Variants in TMEFF1 observed in about 807,000 individuals in gnomAD.
TMEFF1 encodes tomoregulin-1.
In TMEFF1, 20 loss-of-function variants were observed where a neutral mutation model predicts 47.5. The observed-to-expected ratio is 0.42, with a 90% CI of 0.30 to 0.61. The LOEUF is 0.61. Ranked by LOEUF, TMEFF1 falls within the 20% of genes least tolerant of loss-of-function variation. The pLI is 0.19. For synonymous variants in TMEFF1, 162 were observed against 166.3 expected (o/e 0.97, Z 0.20); for missense variants, 411 against 471.1 (o/e 0.87, Z 1.18).
At chr9:100,529,100 A>G (rs1433386142) in intron 5 of TMEFF1, among the ~76,000 whole-genome samples, 4 of 150,064 alleles carry the variant, frequency 2.7e-5, no homozygotes, top group African/African-American at 7.3e-5. Context: ...AGCGCTAAAC[A>G]TGGAAAGGAA....
chr9:100,479,546 G>T lies in TMEFF1; in HGVS notation c.196+5806G>T, dbSNP rs1837300779. 2.0e-5 allele frequency among the ~76,000 whole-genome samples: 3 copies of T among 152,178 alleles called. No individual in the cohort carries two copies. The South Asian group carries it at 6.2e-4, about 32-fold the overall frequency. ...TCATTCCACATTCCTCGCCTCCCCA[G>T]TCCCTGGTTACTACTAATCTACTCT... On this transcript the variant is annotated intron_variant, in intron 1 of 9. Coordinates refer to ENST00000374879, the MANE Select transcript of TMEFF1 (RefSeq NM_003692.5).
intron 8 of TMEFF1, among the ~76,000 whole-genome samples, chr9:100,566,643 A>G (rs1839130812): frequency 6.6e-6 from 1 of 152,122 alleles, no homozygotes; most frequent in Non-Finnish European, 1.5e-5. Flanking sequence ...AGCTTCCGTG[A>G]TTGTATTCTA....
At chr9:100,553,387 TG>T (rs752440495) in intron 7 of TMEFF1, among the ~76,000 whole-genome samples, 1 of 152,120 alleles carries the variant, frequency 6.6e-6, no homozygotes, top group East Asian at 1.9e-4. Flanking sequence ...CAGCCAAGAT[TG>T]GGTAGGTAAG....
intron 5 of TMEFF1, among the ~76,000 whole-genome samples, chr9:100,528,028 G>A (rs1018088625): frequency 1.6e-4 from 25 of 152,128 alleles, no homozygotes; most frequent in African/African-American, 4.6e-4. Context: ...GCAGCTGAGC[G>A]TCCTGTCTGT....
chr9:100,538,592 C>T (rs778449747), intron 5 of TMEFF1, among the ~76,000 whole-genome samples: 1 of 152,174 alleles, frequency 6.6e-6, no homozygotes, highest in African/African-American at 2.4e-5. Flanking sequence ...TATATTTTAT[C>T]ACATATGATA....
intron 1 of TMEFF1, among the ~76,000 whole-genome samples, chr9:100,474,395 C>T (rs1837184550): frequency 1.3e-5 from 2 of 151,550 alleles, no homozygotes; most frequent in Admixed American, 1.3e-4. Context: ...AGAGTGACCT[C>T]GGGTCTGTGG....
At chr9:100,476,942 A>C (rs1249979353) in intron 1 of TMEFF1, among the ~76,000 whole-genome samples, 5 of 149,060 alleles carry the variant, frequency 3.4e-5, no homozygotes, top group Admixed American at 2.7e-4. Context: ...GTGATCTGCC[A>C]GCCTCGGCCT....
chr9:100,531,758 G>A (rs28759503), intron 5 of TMEFF1, among the ~76,000 whole-genome samples: 3,810 of 151,616 alleles, frequency 0.025, 61 homozygotes, highest in Middle Eastern at 0.034. Flanking sequence ...ATATGGAACC[G>A]AAAAAGAGCC....
At chr9:100,495,551 G>A (rs529661214) in intron 1 of TMEFF1, among the ~76,000 whole-genome samples, 10 of 152,162 alleles carry the variant, frequency 6.6e-5, no homozygotes, top group East Asian at 3.9e-4. Flanking sequence ...AGATCATCCC[G>A]TTACATTTTT....
chr9:100,508,929 A>G (rs1438048344), intron 2 of TMEFF1, 76 bp from the exon 3 acceptor site: 13 of 1,410,272 alleles, frequency 9.2e-6, no homozygotes, highest in African/African-American at 1.5e-5. Context: ...ATGCTATGGT[A>G]TTGCATTCAT....
Position 100,567,125 on chromosome 9 carries a change from T to C in TMEFF1, c.900-5393T>C, listed in dbSNP as rs79630298. Among the ~76,000 whole-genome samples the C allele has an allele frequency of 1.8e-3, 274 of 152,272 alleles. 1 individual carries two copies. Among genetic ancestry groups the C allele is most frequent in the African/African-American group, 6.3e-3 (263 of 41,560 alleles). On this transcript the variant is annotated intron_variant, in intron 8 of 9. Coordinates refer to ENST00000374879, the MANE Select transcript of TMEFF1 (RefSeq NM_003692.5). ...GCAGAAGGCCCTACAGTTTTGTCTC[T>C]TCACCTCTCTGTCTGGCTCTCCTCT...
intron 1 of TMEFF1, among the ~76,000 whole-genome samples, chr9:100,474,586 T>C (rs917953151): frequency 6.6e-6 from 1 of 151,918 alleles, no homozygotes; most frequent in Admixed American, 6.6e-5. Context: ...CATCATCCTG[T>C]GTAGGGTTTG....
chr9:100,556,892 C>T (rs1838925565), intron 7 of TMEFF1, among the ~76,000 whole-genome samples: 1 of 152,034 alleles, frequency 6.6e-6, no homozygotes, highest in Non-Finnish European at 1.5e-5. Context: ...GTCACCTAGG[C>T]TGGAGTGCAG....
intron 8 of TMEFF1, among the ~76,000 whole-genome samples, chr9:100,570,072 A>G (rs1003632480): frequency 2.0e-5 from 3 of 152,160 alleles, no homozygotes; most frequent in African/African-American, 4.8e-5. Flanking sequence ...TTCACTTAAT[A>G]TAATGTTCTG....
At chr9:100,493,712 T>C (rs1030374737) in intron 1 of TMEFF1, among the ~76,000 whole-genome samples, 3 of 152,138 alleles carry the variant, frequency 2.0e-5, no homozygotes, top group African/African-American at 7.2e-5. Flanking sequence ...TGAATTTCCA[T>C]TTTGGTTTCA....
intron 5 of TMEFF1, among the ~76,000 whole-genome samples, chr9:100,520,520 G>A (rs1356868020): frequency 6.6e-6 from 1 of 152,164 alleles, no homozygotes. Flanking sequence ...GTGATACCGT[G>A]TAAGTTAATT....
At chr9:100,498,547 C>G (rs1315046436) in intron 1 of TMEFF1, among the ~76,000 whole-genome samples, 1 of 151,994 alleles carries the variant, frequency 6.6e-6, no homozygotes, top group Non-Finnish European at 1.5e-5. Flanking sequence ...TTTTGAGTTA[C>G]TTTTAGGCTC....
At chr9:100,512,094 A>G (rs1431805947) in intron 3 of TMEFF1, among the ~76,000 whole-genome samples, 1 of 152,210 alleles carries the variant, frequency 6.6e-6, no homozygotes, top group South Asian at 2.1e-4. Context: ...TATGTAACCA[A>G]TCATTGTATG....
intron 5 of TMEFF1, among the ~76,000 whole-genome samples, chr9:100,532,303 C>A (rs1424256436): frequency 1.3e-5 from 2 of 152,122 alleles, no homozygotes; most frequent in African/African-American, 2.4e-5. Context: ...AGTGAACAGG[C>A]AACCTACAAA....
Sources: gnomAD v4.1 joint callset for allele counts (sites outside exome capture counted in the v4.1 genomes callset) on GRCh38, gnomAD v4.1.1 for gene constraint, MANE v1.5 for transcripts, NCBI Gene and HGNC (gene_info 2026-07-23, HGNC 2026-07-21) for gene names.